CELF1: variants seen among roughly 807,000 people sequenced by gnomAD.
CELF1 encodes the protein 50 kDa nuclear polyadenylated RNA-binding protein.
A neutral mutation model predicts 61.8 loss-of-function variants in CELF1; 10 were observed. The observed-to-expected ratio is 0.16, with a 90% CI of 0.10 to 0.27. The LOEUF (loss-of-function observed/expected upper bound fraction) is 0.27. Ranked by LOEUF, CELF1 falls within the 10% of genes least tolerant of loss-of-function variation. CELF1 has a pLI of 1.00. For missense variants in CELF1, 380 were observed against 639.1 expected (o/e 0.59, Z 4.37); for synonymous variants, 236 against 225.1 (o/e 1.05, Z -0.43).
chr11:47,525,871 G>C (rs1387606336), intron 1 of CELF1, among the ~76,000 whole-genome samples: 1 of 151,710 alleles, frequency 6.6e-6, no homozygotes, highest in Non-Finnish European at 1.5e-5. Flanking sequence ...CTTGAGCCCA[G>C]GAGTTTGAGA....
intron 1 of CELF1, among the ~76,000 whole-genome samples, chr11:47,542,614 C>T (rs904075251): frequency 6.6e-6 from 1 of 151,152 alleles, no homozygotes; most frequent in African/African-American, 2.4e-5. Flanking sequence ...TCTTGTGCCT[C>T]AGCCACTTGA....
At chr11:47,483,665 G>T in intron 7 of CELF1, 133 bp from the exon 8 acceptor site, 1 of 659,822 alleles carries the variant, frequency 1.5e-6, no homozygotes, top group Admixed American at 2.3e-5. Flanking sequence ...TCATGTGCTG[G>T]TATGTTGCAA....
chr11:47,493,502 C>T (rs904524312), intron 3 of CELF1, among the ~76,000 whole-genome samples: 5 of 125,336 alleles, frequency 4.0e-5, no homozygotes, highest in Admixed American at 8.3e-5. Flanking sequence ...AGCAAGACTC[C>T]ATCTCAAAAA....
chr11:47,482,380 G>A (rs993661335), intron 9 of CELF1: 1 of 205,384 alleles, frequency 4.9e-6, no homozygotes, highest in African/African-American at 2.3e-5. Flanking sequence ...TGGTAGTTAA[G>A]ATTCCCTCAG....
intron 1 of CELF1, among the ~76,000 whole-genome samples, chr11:47,512,833 C>T (rs2095305312): frequency 6.6e-6 from 1 of 152,138 alleles, no homozygotes; most frequent in African/African-American, 2.4e-5. Flanking sequence ...TCTCATGCTC[C>T]AGAGAGCCAA....
chr11:47,480,120 C>T lies in CELF1; in HGVS notation c.769-1168G>A, dbSNP rs1464755093. 2.7e-5 allele frequency among the ~76,000 whole-genome samples: 4 copies of T among 148,718 alleles called. No homozygotes were observed. In the East Asian group the frequency reaches 5.9e-4, roughly 22 times the overall value. On this transcript the variant is annotated intron_variant, in intron 9 of 14. Coordinates refer to ENST00000687097, the MANE Select transcript of CELF1 (RefSeq NM_001376376.1). ...TTTTTTTTTTTTTGAGACGGAGTCT[C>T]GCTCTGTCGCCAGGCTGGAGTACAA...
At chr11:47,531,296 G>A (rs995815376) in intron 1 of CELF1, among the ~76,000 whole-genome samples, 2 of 151,856 alleles carry the variant, frequency 1.3e-5, no homozygotes, top group African/African-American at 2.4e-5. Context: ...CAGGCCAGGC[G>A]CGGTGGCTCA....
intron 2 of CELF1, among the ~76,000 whole-genome samples, chr11:47,564,044 GGGCCGGGCGTGT>G (rs2097235602): frequency 6.6e-6 from 1 of 151,394 alleles, no homozygotes; most frequent in Non-Finnish European, 1.5e-5. Context: ...CCAGATGCTT[GGGCCGGGCGTGT>G]GGCTCATGCC....
chr11:47,473,685 T>A (rs2078707056), intron 13 of CELF1, among the ~76,000 whole-genome samples: 1 of 152,084 alleles, frequency 6.6e-6, no homozygotes, highest in Non-Finnish European at 1.5e-5. Flanking sequence ...CACGAGGGAA[T>A]TTCTAGGGGT....
chr11:47,492,062 C>T (rs1282917816), intron 3 of CELF1, among the ~76,000 whole-genome samples: 1 of 152,184 alleles, frequency 6.6e-6, no homozygotes, highest in African/African-American at 2.4e-5. Context: ...ACTGCAGCCT[C>T]GACCTCCCAG....
At position 47,553,108 on chromosome 11, in the gene CELF1, T is replaced by C. The variant is rs1053709962; in HGVS notation, c.-270A>G. 9 of 398,004 alleles carry C rather than the reference T, an allele frequency of 2.3e-5. No individual in the cohort carries two copies. Among genetic ancestry groups the C allele is most frequent in the African/African-American group, 8.3e-5 (4 of 48,476 alleles). 24.7% of individuals were successfully genotyped at this position (398,004 alleles called of 1,614,324 possible). A position where few individuals can be genotyped will look rare whatever the true frequency, so the allele number is the denominator to read the frequency against. On this transcript the variant is annotated 5_prime_UTR_variant, in exon 1 of 15. Transcript: ENST00000687097. ...GGGAGCCTCCGCGTCCCGCCGCCGC[T>C]GCCGCTGCCGCCAGAGCAGAACACC...
At chr11:47,558,437 T>C (rs1211912593) in intron 2 of CELF1, among the ~76,000 whole-genome samples, 1 of 132,694 alleles carries the variant, frequency 7.5e-6, no homozygotes, top group Non-Finnish European at 1.5e-5. Context: ...CTCATATATA[T>C]ATTATATATA....
intron 3 of CELF1, among the ~76,000 whole-genome samples, chr11:47,489,988 G>T (rs1403454986): frequency 9.9e-6 from 1 of 100,890 alleles, no homozygotes; most frequent in Non-Finnish European, 1.9e-5. Flanking sequence ...GCCCAGGCTG[G>T]AGTGTAATGG....
intron 3 of CELF1, among the ~76,000 whole-genome samples, chr11:47,495,701 A>G (rs1482735438): frequency 1.3e-5 from 2 of 152,198 alleles, no homozygotes; most frequent in Admixed American, 1.3e-4. Context: ...TACACTTTCT[A>G]GGTCTTCTAG....
chr11:47,525,779 T>C (rs575964062), intron 1 of CELF1, among the ~76,000 whole-genome samples: 1 of 152,166 alleles, frequency 6.6e-6, no homozygotes, highest in Non-Finnish European at 1.5e-5. Context: ...ATAAATGCTA[T>C]ACACATTAAG....
At chr11:47,520,975 G>C (rs1465001087) in intron 1 of CELF1, among the ~76,000 whole-genome samples, 1 of 152,232 alleles carries the variant, frequency 6.6e-6, no homozygotes, top group Non-Finnish European at 1.5e-5. Flanking sequence ...TAGAGGGCCG[G>C]GCGTGGTGGC....
At chr11:47,550,988 C>T (rs2097124077) in intron 1 of CELF1, among the ~76,000 whole-genome samples, 1 of 151,850 alleles carries the variant, frequency 6.6e-6, no homozygotes, top group South Asian at 2.1e-4. Flanking sequence ...GGTCCTTTCC[C>T]ATTTCATTAC....
At chr11:47,495,069 A>G (rs2092809925) in intron 3 of CELF1, among the ~76,000 whole-genome samples, 1 of 152,218 alleles carries the variant, frequency 6.6e-6, no homozygotes, top group Admixed American at 6.5e-5. Flanking sequence ...GAATATTTTC[A>G]TCATCACAGA....
chr11:47,472,579 G>C (rs759057028), intron 14 of CELF1, among the ~76,000 whole-genome samples: 2 of 152,142 alleles, frequency 1.3e-5, no homozygotes, highest in Non-Finnish European at 2.9e-5. Context: ...TCTTGAGACA[G>C]GGTCTTGCTC....
Sources: allele counts gnomAD v4.1 joint callset (sites outside exome capture counted in the v4.1 genomes callset), GRCh38; gene constraint gnomAD v4.1.1; transcripts MANE v1.5; gene names NCBI Gene and HGNC (gene_info 2026-07-23, HGNC 2026-07-21).